SELENOI: variants seen among roughly 807,000 people sequenced by gnomAD.
The protein encoded by SELENOI is ethanolaminephosphotransferase 1.
Under a neutral mutation model 50.7 loss-of-function variants are expected in SELENOI, and 24 were observed. The ratio of observed to expected loss-of-function variants is 0.47; its 90% CI spans 0.34 to 0.67. The LOEUF (loss-of-function observed/expected upper bound fraction) is 0.67. Among genes scored for constraint, SELENOI ranks in the 30% least tolerant of loss-of-function variants. The pLI is 0.01. For synonymous variants in SELENOI, 155 were observed against 170.2 expected, an observed-to-expected ratio of 0.91 and a Z score of 0.70; for missense variants, 352 against 461.4, an observed-to-expected ratio of 0.76 and a Z score of 2.17.
chr2:26,384,446 C>T (rs1677797058), intron 7 of SELENOI, among the ~76,000 whole-genome samples: 1 of 152,120 alleles, frequency 6.6e-6, no homozygotes, highest in Non-Finnish European at 1.5e-5. Context: ...GCTGAGCAGG[C>T]GTGTATTGTA....
chr2:26,391,649 C>T lies in SELENOI; in HGVS notation c.*2546C>T, dbSNP rs1298694196. Reference sequence around the variant, plus strand: ...GAGTGCCTTAGCTAGGCCAGAGGCTCGTATTGTGTTTCTGCTGACCAAAGT... The same window carrying T: ...GAGTGCCTTAGCTAGGCCAGAGGCTTGTATTGTGTTTCTGCTGACCAAAGT... On this transcript the variant is annotated 3_prime_UTR_variant, in exon 10 of 10. Coordinates refer to ENST00000260585, the MANE Select transcript of SELENOI (RefSeq NM_033505.4). 6.6e-6 allele frequency: 1 copy of T among 151,988 alleles called. No individual in the cohort carries two copies. The highest frequency in any genetic ancestry group is 1.5e-5 in the Non-Finnish European group (1 of 68,012). The allele number at this position is 151,988 out of a possible 1,614,324, so 9.4% of individuals were successfully genotyped here.
In SELENOI at chr2:26,394,910, G is replaced by A. The variant is rs1678055953; in HGVS notation, c.*5807G>A. 1 of 152,180 alleles carries A rather than the reference G, an allele frequency of 6.6e-6. No individual in the cohort carries two copies. The highest frequency in any genetic ancestry group is 2.1e-4 in the South Asian group (1 of 4,834). The allele number at this position is 152,180 out of a possible 1,614,324, so 9.4% of individuals were successfully genotyped here. On this transcript the variant is annotated 3_prime_UTR_variant, in exon 10 of 10. Coordinates refer to ENST00000260585, the MANE Select transcript of SELENOI (RefSeq NM_033505.4). This position sits in a 1 kb window ranked among gnomAD's most constrained non-coding sequence, Gnocchi z 4.1. Reference sequence around the variant, plus strand: ...CCTGTTGCAGTTGGCTTTCTGTAGTGTTCTGAAACAAGAGGACGATTCCAT... The same window carrying A: ...CCTGTTGCAGTTGGCTTTCTGTAGTATTCTGAAACAAGAGGACGATTCCAT...
chr2:26,364,793 C>G, intron 2 of SELENOI, 39 bp from the exon 3 acceptor site: 1 of 1,435,422 alleles, frequency 7.0e-7, no homozygotes, highest in Non-Finnish European at 9.6e-7. Flanking sequence ...ACAGAGATTC[C>G]TCTACTTTAA....
At chr2:26,361,375 G>C (rs2147948316) in intron 1 of SELENOI, among the ~76,000 whole-genome samples, 1 of 152,336 alleles carries the variant, frequency 6.6e-6, no homozygotes, top group African/African-American at 2.4e-5. Flanking sequence ...CTGTGATAAA[G>C]TTTAGGCACA....
At chr2:26,384,833 T>A (rs375570356) in intron 7 of SELENOI, 126 bp from the exon 8 acceptor site, 1 of 621,472 alleles carries the variant, frequency 1.6e-6, no homozygotes, top group Non-Finnish European at 2.5e-6. Context: ...GTTGGTTCTG[T>A]CTATGCCACA....
rs990715193 is a variant in SELENOI, at chr2:26,346,205, C to G, written c.-28C>G. On this transcript the variant is annotated 5_prime_UTR_variant, in exon 1 of 10. Transcript: ENST00000260585. The stretch of plus-strand genomic sequence containing the variant: ...CAGCCTTGTAGCCGGGAGTCGCTGC[C>G]GAGTGGGCGCTCAGTTTTCGGGTCG... The G allele has an allele frequency of 6.2e-7, 1 of 1,613,404 alleles. No homozygotes were observed. The highest frequency in any genetic ancestry group is 1.7e-5 in the Admixed American group (1 of 59,978).
chr2:26,384,996 T>C lies in SELENOI; in HGVS notation c.769T>C (p.Tyr257His). 6.2e-7 allele frequency: 1 copy of C among 1,611,392 alleles called. No individual in the cohort carries two copies. ...TAACACCTTGAAACTCAATTCAGTC[T>C]ATGAAGCTATGGTTCCCTTATTTTC... is the stretch of plus-strand genomic sequence containing the variant. Reference protein sequence around the residue: ...KNNTLKLNSVYEAMVPLFSPC... With the variant: ...KNNTLKLNSVHEAMVPLFSPC... Residue 257 changes from tyrosine to histidine, a missense_variant, in exon 8 of 10, where the codon TAT (tyrosine) becomes CAT (histidine). Tyr to His is a moderately conservative substitution (Grantham distance 83). Coordinates refer to ENST00000260585, the MANE Select transcript of SELENOI (RefSeq NM_033505.4).
chr2:26,389,340 A>G lies in SELENOI; in HGVS notation c.*237A>G. The G allele has an allele frequency of 2.5e-6, 1 of 403,196 alleles. No individual in the cohort carries two copies. 25.0% of individuals were successfully genotyped at this position (403,196 alleles called of 1,614,324 possible). ...GGTTGAGCAGAATGTACGTTAGACCAGCAAAATGTTCCTAATGGTTCTAAC... is the reference window on the plus strand; with the variant it reads ...GGTTGAGCAGAATGTACGTTAGACCGGCAAAATGTTCCTAATGGTTCTAAC... On this transcript the variant is annotated 3_prime_UTR_variant, in exon 10 of 10. Transcript: ENST00000260585.
In SELENOI at chr2:26,389,189, T is replaced by G; in HGVS notation, c.*86T>G. 1.9e-6 allele frequency: 2 copies of G among 1,029,308 alleles called. No homozygotes were observed. Among genetic ancestry groups the G allele is most frequent in the Non-Finnish European group, 2.9e-6 (2 of 681,722 alleles). 63.8% of individuals were successfully genotyped at this position (1,029,308 alleles called of 1,614,324 possible). A position where few individuals can be genotyped will look rare whatever the true frequency, so the allele number is the denominator to read the frequency against. Reference sequence around the variant, plus strand: ...CACCATTGAACTAGACTGATCTGCTTGACAGACGTGGGATCTCAGTATGGT... The same window carrying G: ...CACCATTGAACTAGACTGATCTGCTGGACAGACGTGGGATCTCAGTATGGT... On this transcript the variant is annotated 3_prime_UTR_variant, in exon 10 of 10. Transcript: ENST00000260585.
Position 26,364,926 on chromosome 2 carries a change from A to G in SELENOI, c.221A>G (p.Asp74Gly). 6.2e-7 allele frequency: 1 copy of G among 1,600,348 alleles called. No homozygotes were observed. Among genetic ancestry groups the G allele is most frequent in the Non-Finnish European group, 8.5e-7 (1 of 1,173,280 alleles). Reference sequence around the variant, plus strand: ...CTGCTAATGGCATACTTTGATCCTGACTTTTATGCCTCAGGTAAGAATATT... The same window carrying G: ...CTGCTAATGGCATACTTTGATCCTGGCTTTTATGCCTCAGGTAAGAATATT... ...NFLLMAYFDP[D>G]FYASAPGHKH... Residue 74 changes from aspartate to glycine, a missense_variant, in exon 3 of 10, where the codon GAC becomes GGC. Physicochemically the swap from Asp to Gly is moderately conservative, Grantham distance 94. Coordinates refer to ENST00000260585, the MANE Select transcript of SELENOI (RefSeq NM_033505.4).
At chr2:26,372,193 A>G (rs1440934128) in intron 4 of SELENOI, among the ~76,000 whole-genome samples, 3 of 151,842 alleles carry the variant, frequency 2.0e-5, no homozygotes, top group Non-Finnish European at 4.4e-5. Flanking sequence ...GCTCACTGCA[A>G]CCTCCGCCTC....
At chr2:26,362,629 A>G (rs1480908894) in intron 1 of SELENOI, among the ~76,000 whole-genome samples, 9 of 151,778 alleles carry the variant, frequency 5.9e-5, no homozygotes, top group Non-Finnish European at 1.0e-4. Context: ...GGTGGTGCAC[A>G]CCTCTAATCC....
At chr2:26,351,527 TAA>T (rs1676959751) in intron 1 of SELENOI, among the ~76,000 whole-genome samples, 1 of 152,216 alleles carries the variant, frequency 6.6e-6, no homozygotes, top group Non-Finnish European at 1.5e-5. Flanking sequence ...ACTACCAGGT[TAA>T]GAGGGGAGAA....
intron 9 of SELENOI, among the ~76,000 whole-genome samples, chr2:26,387,262 T>C (rs1404145498): frequency 1.3e-5 from 2 of 152,228 alleles, no homozygotes; most frequent in Admixed American, 6.5e-5. Flanking sequence ...TCTTTCACTT[T>C]AACATTCTTT....
intron 6 of SELENOI, among the ~76,000 whole-genome samples, chr2:26,381,198 C>CTTTTT (rs57102834): frequency 0.011 from 345 of 30,190 alleles, 58 homozygotes; most frequent in East Asian, 0.077. Flanking sequence ...TCAGTTTGGT[C>CTTTTT]TTTTTTTTTT....
intron 4 of SELENOI, among the ~76,000 whole-genome samples, chr2:26,367,734 A>G (rs1048286530): frequency 1.3e-5 from 2 of 152,212 alleles, no homozygotes; most frequent in African/African-American, 4.8e-5. Context: ...GAAAACAAAT[A>G]AGGAAGTGAT....
At chr2:26,367,697 A>T (rs1457934882) in intron 4 of SELENOI, among the ~76,000 whole-genome samples, 1 of 152,188 alleles carries the variant, frequency 6.6e-6, no homozygotes, top group Admixed American at 6.5e-5. Flanking sequence ...TGTAATAATT[A>T]AAAAATAGTA....
chr2:26,386,527 A>C lies in SELENOI; in HGVS notation c.1086A>C (p.Gly362=). ...TAFTLAHIHY[G]VRVVKQLSSH... ...TTACTCTGGCCCACATCCATTATGGAGTACGAGTGGTGAGTAATCTACAGC... is the reference window on the plus strand; with the variant it reads ...TTACTCTGGCCCACATCCATTATGGCGTACGAGTGGTGAGTAATCTACAGC... Residue 362 remains glycine, a synonymous_variant, in exon 9 of 10, where the codon GGA becomes GGC. Transcript: ENST00000260585. 6.2e-7 allele frequency: 1 copy of C among 1,606,698 alleles called. No homozygotes were observed. The highest frequency in any genetic ancestry group is 8.5e-7 in the Non-Finnish European group (1 of 1,176,932).
chr2:26,348,847 T>C (rs1404082117), intron 1 of SELENOI, among the ~76,000 whole-genome samples: 1 of 152,040 alleles, frequency 6.6e-6, no homozygotes, highest in Non-Finnish European at 1.5e-5. Flanking sequence ...GTCTGGATAT[T>C]GAAAGGGTGC....
Sources: gnomAD v4.1 joint callset for allele counts (sites outside exome capture counted in the v4.1 genomes callset) on GRCh38, gnomAD v4.1.1 for gene constraint, Gnocchi (gnomAD v3.1) non-coding constraint, MANE v1.5 for transcripts, NCBI Gene and HGNC (gene_info 2026-07-23, HGNC 2026-07-21) for gene names.